BOC: variants seen among roughly 807,000 people sequenced by gnomAD.
The protein encoded by BOC is brother of CDO.
Under a neutral mutation model 112.0 loss-of-function variants are expected in BOC, and 76 were observed. The ratio of observed to expected loss-of-function variants is 0.68; its 90% CI spans 0.56 to 0.82. BOC has a LOEUF of 0.82. Ranked by LOEUF, BOC falls within the 40% of genes least tolerant of loss-of-function variation. The pLI is 0.00. For synonymous variants in BOC, 580 were observed against 599.8 expected, an observed-to-expected ratio of 0.97 and a Z score of 0.48; for missense variants, 1,309 against 1,511.7, an observed-to-expected ratio of 0.87 and a Z score of 2.22.
At chr3:113,236,641 A>G (rs1202220514) in intron 2 of BOC, among the ~76,000 whole-genome samples, 2 of 152,100 alleles carry the variant, frequency 1.3e-5, no homozygotes, top group African/African-American at 2.4e-5. Context: ...TATCCATGTA[A>G]CAAAACTGCA....
At position 113,212,707 on chromosome 3, in the gene BOC, T is replaced by TGA. The variant is rs766393376; in HGVS notation, c.-170+701_-170+702dup. On this transcript the variant is annotated intron_variant, in intron 1 of 19. Transcript: ENST00000682979. ...AAGGTGAAAGAGGTGTGTGTGTGTGTGAGAGAGAGAGTTCGTGTGTGCGTG... is the reference window on the plus strand; with the variant it reads ...AAGGTGAAAGAGGTGTGTGTGTGTGTGAGAGAGAGAGAGTTCGTGTGTGCGTG... 1.6e-4 allele frequency: 24 copies of TGA among 152,204 alleles called. No individual in the cohort carries two copies. The South Asian group carries it at 2.9e-3, about 18-fold the overall frequency. 9.4% of individuals were successfully genotyped at this position (152,204 alleles called of 1,614,324 possible).
At position 113,272,322 on chromosome 3, in the gene BOC, C is replaced by G. The variant is rs1948203343; in HGVS notation, c.668-88C>G. On this transcript the variant is annotated intron_variant, in intron 6 of 19. Coordinates refer to ENST00000682979, the MANE Select transcript of BOC (RefSeq NM_001378074.1). ...CCGGAATGGCTGTTTGATCCCATCTCCATGCTCTCTGGGACTGCCTCCTGG... is the reference window on the plus strand; with the variant it reads ...CCGGAATGGCTGTTTGATCCCATCTGCATGCTCTCTGGGACTGCCTCCTGG... The G allele has an allele frequency of 5.6e-6, 8 of 1,437,382 alleles. No homozygotes were observed. In the East Asian group the frequency reaches 1.8e-4, roughly 33 times the overall value. 89.0% of individuals were successfully genotyped at this position (1,437,382 alleles called of 1,614,324 possible).
chr3:113,213,457 GT>G (rs1290054150), intron 1 of BOC, among the ~76,000 whole-genome samples: 1 of 152,124 alleles, frequency 6.6e-6, no homozygotes, highest in Non-Finnish European at 1.5e-5. Context: ...CTCTGTGATG[GT>G]TTTTTTCATC....
intron 4 of BOC, chr3:113,251,229 C>T: frequency 4.9e-6 from 2 of 404,078 alleles, no homozygotes; most frequent in South Asian, 8.6e-5. Context: ...CCATTCTCAC[C>T]ACAGTTACAG....
intron 2 of BOC, among the ~76,000 whole-genome samples, chr3:113,236,155 A>G (rs188806496): frequency 7.4e-5 from 11 of 149,452 alleles, no homozygotes; most frequent in Non-Finnish European, 1.3e-4. Flanking sequence ...AAAGATATGG[A>G]ATCAACATAA....
intron 2 of BOC, among the ~76,000 whole-genome samples, chr3:113,245,917 G>A (rs1045276604): frequency 1.3e-5 from 2 of 152,196 alleles, no homozygotes; most frequent in Non-Finnish European, 2.9e-5. Context: ...GGGATGAGCC[G>A]ACGGCTTTTT....
intron 2 of BOC, among the ~76,000 whole-genome samples, chr3:113,226,207 C>T (rs1941635295): frequency 6.6e-6 from 1 of 152,120 alleles, no homozygotes; most frequent in South Asian, 2.1e-4. Flanking sequence ...AAAAACTCAC[C>T]TTTATCAAAA....
chr3:113,272,299 G>A (rs1410744182), intron 6 of BOC, 111 bp from the exon 7 acceptor site: 28 of 1,226,676 alleles, frequency 2.3e-5, no homozygotes, highest in South Asian at 2.7e-5. Flanking sequence ...TGAAAGACCC[G>A]GAATGGCTGT....
At position 113,287,038 on chromosome 3, in the gene BOC, AC is replaced by A. The variant is rs1445612256; in HGVS notation, c.*179del. ...ATTCTGGAGAGACATAAGGAGTCCT[AC>A]CCGTTGAGGTTGGAGAGGGAAAATA... On this transcript the variant is annotated 3_prime_UTR_variant, in exon 20 of 20. Transcript: ENST00000682979. 2.6e-5 allele frequency: 20 copies of A among 782,086 alleles called. No homozygotes were observed. Among genetic ancestry groups the A allele is most frequent in the Non-Finnish European group, 3.6e-5 (17 of 478,740 alleles). The allele number at this position is 782,086 out of a possible 1,614,324, so 48.4% of individuals were successfully genotyped here.
At chr3:113,215,755 T>C (rs1301295939) in intron 1 of BOC, among the ~76,000 whole-genome samples, 4 of 152,176 alleles carry the variant, frequency 2.6e-5, no homozygotes, top group Non-Finnish European at 4.4e-5. Flanking sequence ...TAGTATTACT[T>C]CAGTAGGAGC....
chr3:113,221,158 G>C (rs529993307), intron 2 of BOC, among the ~76,000 whole-genome samples: 3 of 152,362 alleles, frequency 2.0e-5, no homozygotes, highest in Middle Eastern at 3.4e-3. Context: ...TTATTGCAAA[G>C]AAGAGGCAAG....
rs760500732 is a variant in BOC, at chr3:113,279,289, C to T, written c.1857C>T (p.Ser619=). 2.7e-5 allele frequency: 44 copies of T among 1,614,068 alleles called. No homozygotes were observed. The highest frequency in any genetic ancestry group is 3.3e-5 in the South Asian group (3 of 91,086). The change falls in exon 12 of 20, where the codon TCC becomes TCT. Residue 619 remains serine, a synonymous_variant. Coordinates refer to ENST00000682979, the MANE Select transcript of BOC (RefSeq NM_001378074.1). Reference sequence around the variant, plus strand: ...ACAGGCCCACCATCTCCACGGCCTCCGAGACCTCAGTGTACGTGACCTGGA... The same window carrying T: ...ACAGGCCCACCATCTCCACGGCCTCTGAGACCTCAGTGTACGTGACCTGGA... ...APDRPTISTA[S]ETSVYVTWIP...
chr3:113,240,398 A>G (rs979309118), intron 2 of BOC, among the ~76,000 whole-genome samples: 10 of 152,328 alleles, frequency 6.6e-5, no homozygotes, highest in African/African-American at 2.2e-4. Flanking sequence ...TGCCACACAT[A>G]CAGTAGGAGC....
intron 2 of BOC, among the ~76,000 whole-genome samples, chr3:113,239,831 C>T (rs1054511502): frequency 2.6e-5 from 4 of 152,156 alleles, no homozygotes; most frequent in South Asian, 2.1e-4. Flanking sequence ...GAGCTCTCCT[C>T]TGTAAACCAT....
At chr3:113,237,305 T>TC (rs1478632625) in intron 2 of BOC, among the ~76,000 whole-genome samples, 2 of 152,120 alleles carry the variant, frequency 1.3e-5, no homozygotes, top group African/African-American at 4.8e-5. Context: ...TCTGCTCCCA[T>TC]CCCCCCTGCC....
chr3:113,229,096 C>A (rs1427955822), intron 2 of BOC, among the ~76,000 whole-genome samples: 1 of 152,178 alleles, frequency 6.6e-6, no homozygotes, highest in Admixed American at 6.6e-5. Flanking sequence ...AGGAGTGCGG[C>A]TGCAGCTCTG....
rs749028234 is a variant in BOC at position 113,285,361 on chromosome 3, G to A, written c.2967-11G>A. 6.2e-7 allele frequency: 1 copy of A among 1,612,188 alleles called. No homozygotes were observed. The highest frequency in any genetic ancestry group is 8.5e-7 in the Non-Finnish European group (1 of 1,179,656). ...CAGCCCCACCTCCCCATCTGGGCTT[G>A]TGCACTGCAGGGGTCCCAAGTCTAG... On this transcript the variant is annotated splice_polypyrimidine_tract_variant and intron_variant, in intron 18 of 19. Coordinates refer to ENST00000682979, the MANE Select transcript of BOC (RefSeq NM_001378074.1).
At chr3:113,242,575 G>T (rs1944441724) in intron 2 of BOC, among the ~76,000 whole-genome samples, 1 of 151,876 alleles carries the variant, frequency 6.6e-6, no homozygotes, top group South Asian at 2.1e-4. Context: ...TTCCCTTTCT[G>T]CTTGCCTTGA....
rs1235529119 is a variant in BOC, at chr3:113,278,443, C to T, written c.1705+186C>T. On this transcript the variant is annotated intron_variant, in intron 10 of 19. Coordinates refer to ENST00000682979, the MANE Select transcript of BOC (RefSeq NM_001378074.1). The surrounding 1 kb of genome is among the most constrained non-coding windows in gnomAD (Gnocchi z 4.2). Reference sequence around the variant, plus strand: ...GTCCCAGCTCTCATCAGGAGAGTAGCCAGCCGGCCTCTCTGGCACCCCTTC... The same window carrying T: ...GTCCCAGCTCTCATCAGGAGAGTAGTCAGCCGGCCTCTCTGGCACCCCTTC... Among the ~76,000 whole-genome samples the T allele has an allele frequency of 6.6e-6, 1 of 152,116 alleles. No individual in the cohort carries two copies. The highest frequency in any genetic ancestry group is 2.4e-5 in the African/African-American group (1 of 41,424).
Sources: gnomAD v4.1 joint callset for allele counts (sites outside exome capture counted in the v4.1 genomes callset) on GRCh38, gnomAD v4.1.1 for gene constraint, Gnocchi (gnomAD v3.1) non-coding constraint, MANE v1.5 for transcripts, NCBI Gene and HGNC (gene_info 2026-07-23, HGNC 2026-07-21) for gene names.